L3MBTL4: variants seen among roughly 807,000 people sequenced by gnomAD.
L3MBTL4 encodes lethal(3)malignant brain tumor-like protein 4.
A neutral mutation model predicts 84.5 loss-of-function variants in L3MBTL4; 70 were observed. The ratio of observed to expected loss-of-function variants is 0.83; its 90% CI spans 0.68 to 1.01. The LOEUF (loss-of-function observed/expected upper bound fraction) is 1.01, where lower values mean the gene tolerates loss of function less well. Ranked by LOEUF, L3MBTL4 falls within the 50% of genes least tolerant of loss-of-function variation. The pLI is 0.00. For synonymous variants in L3MBTL4, 274 were observed against 259.8 expected, an observed-to-expected ratio of 1.05 and a Z score of -0.52; for missense variants, 715 against 754.8, an observed-to-expected ratio of 0.95 and a Z score of 0.62.
chr18:6,370,151 A>G lies in L3MBTL4; in HGVS notation c.-91+44650T>C, dbSNP rs78647781. ...TCGGTCTCAAAAAAAAAAAAAAAAAAAAAGAAAGCACTGACCTGGCTTACT... is the reference window on the plus strand; with the variant it reads ...TCGGTCTCAAAAAAAAAAAAAAAAAGAAAGAAAGCACTGACCTGGCTTACT... On this transcript the variant is annotated intron_variant, in intron 1 of 18. Transcript: ENST00000317931. Among the ~76,000 whole-genome samples the G allele has an allele frequency of 8.6e-3, 1,291 of 150,806 alleles. 24 individuals are homozygous for G. Among genetic ancestry groups the G allele is most frequent in the African/African-American group, 0.029 (1,194 of 40,524 alleles).
At chr18:6,206,676 C>T (rs1353463235) in intron 12 of L3MBTL4, among the ~76,000 whole-genome samples, 6 of 152,120 alleles carry the variant, frequency 3.9e-5, no homozygotes, top group Admixed American at 3.9e-4. Flanking sequence ...ACTATACATC[C>T]TTTCAGGGGC....
intron 13 of L3MBTL4, among the ~76,000 whole-genome samples, chr18:6,139,610 A>G (rs1313985432): frequency 6.6e-6 from 1 of 151,796 alleles, no homozygotes; most frequent in Non-Finnish European, 1.5e-5. Context: ...TTCTCTGACA[A>G]TCCCACACTT....
intron 16 of L3MBTL4, among the ~76,000 whole-genome samples, chr18:5,986,649 C>T (rs2053475800): frequency 6.6e-6 from 1 of 152,216 alleles, no homozygotes; most frequent in African/African-American, 2.4e-5. Context: ...AGTTCTGTGC[C>T]AGAGCGAGCC....
At chr18:6,362,729 C>A (rs2053761621) in intron 1 of L3MBTL4, among the ~76,000 whole-genome samples, 1 of 152,200 alleles carries the variant, frequency 6.6e-6, no homozygotes, top group Non-Finnish European at 1.5e-5. Context: ...ATCTTAGTAA[C>A]AACTCATGAA....
intron 1 of L3MBTL4, among the ~76,000 whole-genome samples, chr18:6,336,020 A>AG (rs1287760058): frequency 6.6e-6 from 1 of 152,220 alleles, no homozygotes; most frequent in Non-Finnish European, 1.5e-5. Flanking sequence ...TTCAAAAGAA[A>AG]GGTCACAAGT....
chr18:6,126,913 T>C (rs762247990), intron 14 of L3MBTL4, among the ~76,000 whole-genome samples: 2 of 152,220 alleles, frequency 1.3e-5, no homozygotes, highest in African/African-American at 4.8e-5. Flanking sequence ...CCCAGTTCAA[T>C]TTCACTGTGT....
intron 16 of L3MBTL4, among the ~76,000 whole-genome samples, chr18:5,973,270 GCA>G (rs2052744132): frequency 6.6e-6 from 1 of 152,202 alleles, no homozygotes; most frequent in South Asian, 2.1e-4. Flanking sequence ...GAAATCATTT[GCA>G]GAAGTCCTAG....
intron 1 of L3MBTL4, among the ~76,000 whole-genome samples, chr18:6,378,498 A>C (rs1478758221): frequency 6.6e-6 from 1 of 152,150 alleles, no homozygotes; most frequent in African/African-American, 2.4e-5. Context: ...TTTTTGTATA[A>C]GGTATAAGGA....
chr18:6,400,503 G>A (rs1398998074), intron 1 of L3MBTL4, among the ~76,000 whole-genome samples: 2 of 152,130 alleles, frequency 1.3e-5, no homozygotes, highest in African/African-American at 2.4e-5. Context: ...TCAACCTCCT[G>A]GGCTCAGATG....
At chr18:6,147,820 G>A (rs1052474865) in intron 13 of L3MBTL4, among the ~76,000 whole-genome samples, 2 of 152,194 alleles carry the variant, frequency 1.3e-5, no homozygotes, top group South Asian at 4.1e-4. Context: ...TTTGAAATGA[G>A]ACAGAAGACC....
rs565700567 is a variant in L3MBTL4, at chr18:6,305,144, C to T, written c.73-3187G>A. ...ATTATATTGTGTATATCAGAATAAA[C>T]ATATATATCTATAACATACTGACCT... On this transcript the variant is annotated intron_variant, in intron 3 of 18. Coordinates refer to ENST00000317931, the MANE Select transcript of L3MBTL4 (RefSeq NM_001330559.2). Among the ~76,000 whole-genome samples, 3 of 152,250 alleles carry T rather than the reference C, an allele frequency of 2.0e-5. No individual in the cohort carries two copies. The East Asian group carries it at 5.8e-4, about 29-fold the overall frequency.
At chr18:6,141,470 T>C (rs1253943633) in intron 13 of L3MBTL4, among the ~76,000 whole-genome samples, 1 of 152,136 alleles carries the variant, frequency 6.6e-6, no homozygotes, top group Admixed American at 6.5e-5. Flanking sequence ...CTTAAAGTCA[T>C]TTCAAAGTCA....
intron 1 of L3MBTL4, among the ~76,000 whole-genome samples, chr18:6,319,441 A>T (rs2147037857): frequency 6.6e-6 from 1 of 152,260 alleles, no homozygotes; most frequent in Non-Finnish European, 1.5e-5. Context: ...AGAAATGAAA[A>T]TGATGACATT....
chr18:6,273,835 G>T (rs1165208437), intron 4 of L3MBTL4, among the ~76,000 whole-genome samples: 3 of 152,260 alleles, frequency 2.0e-5, no homozygotes, highest in Admixed American at 6.5e-5. Flanking sequence ...GCTGGGAGGT[G>T]TGAGGGTATG....
intron 15 of L3MBTL4, among the ~76,000 whole-genome samples, chr18:6,086,522 C>A (rs566236345): frequency 1.3e-5 from 2 of 152,248 alleles, no homozygotes; most frequent in South Asian, 2.1e-4. Context: ...CAGTGAGGTG[C>A]CTAAAAAGTG....
Position 6,078,771 on chromosome 18 carries a change from C to G in L3MBTL4, c.1444+2110G>C, listed in dbSNP as rs113592304. ...ATTACATTTATTGTGCACTTTATTT[C>G]TATTATTATTACATTGTAATAGATA... is the stretch of plus-strand genomic sequence containing the variant. On this transcript the variant is annotated intron_variant, in intron 16 of 18. Transcript: ENST00000317931. Among the ~76,000 whole-genome samples the G allele has an allele frequency of 3.5e-4, 54 of 152,202 alleles. 2 individuals are homozygous for G. Among genetic ancestry groups the G allele is most frequent in the African/African-American group, 1.3e-3 (54 of 41,522 alleles).
chr18:6,317,549 A>T (rs1442901517), intron 1 of L3MBTL4, among the ~76,000 whole-genome samples: 1 of 152,164 alleles, frequency 6.6e-6, no homozygotes, highest in Non-Finnish European at 1.5e-5. Flanking sequence ...AATCAAACAA[A>T]AATTTAAAAA....
chr18:5,985,602 A>G (rs530495385), intron 16 of L3MBTL4, among the ~76,000 whole-genome samples: 2 of 152,330 alleles, frequency 1.3e-5, no homozygotes, highest in African/African-American at 4.8e-5. Context: ...TCTGGACCCT[A>G]CGTTATATTC....
Position 6,264,177 on chromosome 18 carries a change from C to G in L3MBTL4, c.128-139G>C, listed in dbSNP as rs113839822. On this transcript the variant is annotated intron_variant, in intron 4 of 18. Transcript: ENST00000317931. ...AGACCCAGCAACTAAGAAGAGTCTT[C>G]TCTCTCAATTCATATGAACATTTAG... The G allele has an allele frequency of 4.6e-3, 2,949 of 638,264 alleles. 73 individuals carry two copies. The African/African-American group carries it at 0.048, about 10-fold the overall frequency. The allele number at this position is 638,264 out of a possible 1,614,324, so 39.5% of individuals were successfully genotyped here.
Sources: gnomAD v4.1 joint callset for allele counts (sites outside exome capture counted in the v4.1 genomes callset) on GRCh38, gnomAD v4.1.1 for gene constraint, MANE v1.5 for transcripts, NCBI Gene and HGNC (gene_info 2026-07-23, HGNC 2026-07-21) for gene names.